The following PPP2R2A variants were observed in gnomAD, a reference collection of about 807,000 sequenced individuals.
PPP2R2A encodes the protein protein phosphatase 2 regulatory subunit Balpha.
PPP2R2A carries 9 observed loss-of-function variants against 53.2 expected under a neutral mutation model. The ratio of observed to expected loss-of-function variants is 0.17; its 90% confidence interval spans 0.10 to 0.30. The LOEUF is 0.30. PPP2R2A is among the 10% of genes least tolerant of loss of function. The pLI is 1.00. For missense variants in PPP2R2A, 235 were observed against 534.6 expected, an observed-to-expected ratio of 0.44 and a Z score of 5.53; for synonymous variants, 169 against 174.2, an observed-to-expected ratio of 0.97 and a Z score of 0.23.
chr8:26,292,385 G>T (rs769888826), intron 1 of PPP2R2A: 3 of 985,658 alleles, frequency 3.0e-6, no homozygotes, highest in Non-Finnish European at 3.6e-6. Context: ...TTTTTGTTTC[G>T]AACCATTTCG....
intron 1 of PPP2R2A, chr8:26,292,483 G>A (rs2117174014): frequency 1.0e-6 from 1 of 969,304 alleles, no homozygotes; most frequent in Non-Finnish European, 1.2e-6. Flanking sequence ...TTTGCGTTTA[G>A]CATGTTAGCT....
At chr8:26,309,053 G>A (rs555510137) in intron 2 of PPP2R2A, among the ~76,000 whole-genome samples, 1 of 152,192 alleles carries the variant, frequency 6.6e-6, no homozygotes, top group South Asian at 2.1e-4. Flanking sequence ...TAGAGTTGGG[G>A]TTTCAATGTG....
At chr8:26,345,152 A>C (rs547576185) in intron 3 of PPP2R2A, among the ~76,000 whole-genome samples, 4 of 152,218 alleles carry the variant, frequency 2.6e-5, no homozygotes, top group Non-Finnish European at 4.4e-5. Context: ...TCAGATTTTC[A>C]GATTAGGTAT....
Position 26,362,775 on chromosome 8 carries a change from A to G in PPP2R2A, c.729A>G (p.Val243=). The G allele has an allele frequency of 1.9e-6, 3 of 1,613,498 alleles. No homozygotes were observed. The highest frequency in any genetic ancestry group is 1.7e-5 in the Admixed American group (1 of 60,034). ...EFHPNSCNTF[V]YSSSKGTIRL... is the part of the protein sequence containing the mutation. ...ATCCAAACAGCTGTAACACATTTGTATACAGCAGCAGTAAAGGAACTATTC... is the reference window on the plus strand; with the variant it reads ...ATCCAAACAGCTGTAACACATTTGTGTACAGCAGCAGTAAAGGAACTATTC... Residue 243 remains valine (V), a synonymous_variant, in exon 7 of 10, where the codon GTA becomes GTG. Coordinates refer to ENST00000380737, the MANE Select transcript of PPP2R2A (RefSeq NM_002717.4). The surrounding 1 kb of genome is among the most constrained non-coding windows in gnomAD (Gnocchi z 4.4).
chr8:26,364,019 A>G lies in PPP2R2A; in HGVS notation c.972+129A>G, dbSNP rs191767486. 3.4e-5 allele frequency: 25 copies of G among 727,374 alleles called. No homozygotes were observed. In the Admixed American group the frequency reaches 5.7e-4, roughly 17 times the overall value. The allele number at this position is 727,374 out of a possible 1,614,324, so 45.1% of individuals were successfully genotyped here. ...CACCATTAGGCCTTTTCCCTCAGAG[A>G]TCTATGAGTATGTTGCTCTTCCTTA... On this transcript the variant is annotated intron_variant, in intron 8 of 9. Coordinates refer to ENST00000380737, the MANE Select transcript of PPP2R2A (RefSeq NM_002717.4).
At chr8:26,314,100 A>G (rs577367305) in intron 2 of PPP2R2A, among the ~76,000 whole-genome samples, 2 of 152,236 alleles carry the variant, frequency 1.3e-5, no homozygotes, top group African/African-American at 4.8e-5. Flanking sequence ...AAAGCCTTCT[A>G]ATGTAATTTT....
chr8:26,357,831 A>G (rs1356732562), intron 4 of PPP2R2A, among the ~76,000 whole-genome samples: 1 of 152,016 alleles, frequency 6.6e-6, no homozygotes, highest in Non-Finnish European at 1.5e-5. Context: ...AATTCAGGGG[A>G]ACACCACAGT....
At chr8:26,344,369 T>C (rs1294640605) in intron 3 of PPP2R2A, among the ~76,000 whole-genome samples, 1 of 152,242 alleles carries the variant, frequency 6.6e-6, no homozygotes, top group Non-Finnish European at 1.5e-5. Flanking sequence ...GTATTCACAA[T>C]GCTGGCTATT....
chr8:26,325,306 T>G (rs1803033490), intron 2 of PPP2R2A, among the ~76,000 whole-genome samples: 1 of 151,972 alleles, frequency 6.6e-6, no homozygotes, highest in Non-Finnish European at 1.5e-5. Context: ...CTCATGAGAT[T>G]TGATGGGTTT....
chr8:26,305,084 C>T (rs1426188749), intron 2 of PPP2R2A, among the ~76,000 whole-genome samples: 1 of 152,102 alleles, frequency 6.6e-6, no homozygotes, highest in Admixed American at 6.6e-5. Context: ...TTCTTCCCCT[C>T]CCCTCAGCTC....
chr8:26,360,289 C>T lies in PPP2R2A; in HGVS notation c.459+8C>T. Reference sequence around the variant, plus strand: ...ACAGTTACTACACTACGAGTAAGTACATAAGAAAAAAATGTCACAGATAGT... The same window carrying T: ...ACAGTTACTACACTACGAGTAAGTATATAAGAAAAAAATGTCACAGATAGT... On this transcript the variant is annotated splice_region_variant and intron_variant, in intron 5 of 9. Coordinates refer to ENST00000380737, the MANE Select transcript of PPP2R2A (RefSeq NM_002717.4). The surrounding 1 kb of genome is among the most constrained non-coding windows in gnomAD (Gnocchi z 4.5). 1 of 1,516,424 alleles carries T rather than the reference C, an allele frequency of 6.6e-7. No homozygotes were observed. Among genetic ancestry groups the T allele is most frequent in the Non-Finnish European group, 9.0e-7 (1 of 1,105,560 alleles). 93.9% of individuals were successfully genotyped at this position (1,516,424 alleles called of 1,614,324 possible). A position where few individuals can be genotyped will look rare whatever the true frequency, so the allele number is the denominator to read the frequency against.
At position 26,360,861 on chromosome 8, in the gene PPP2R2A, TA is replaced by T. The variant is rs1563323643; in HGVS notation, c.460-112del. The T allele has an allele frequency of 9.9e-7, 1 of 1,010,982 alleles. No homozygotes were observed. The highest frequency in any genetic ancestry group is 1.4e-6 in the Non-Finnish European group (1 of 707,514). 62.6% of individuals were successfully genotyped at this position (1,010,982 alleles called of 1,614,324 possible). On this transcript the variant is annotated intron_variant, in intron 5 of 9. Transcript: ENST00000380737. This position sits in a 1 kb window ranked among gnomAD's most constrained non-coding sequence, Gnocchi z 4.5. ...GCTTTTTAAAACTAAATCTATGTAA[TA>T]TTGTTCTATTTTATGTTCTCAAAAA...
chr8:26,323,097 A>G (rs1402565041), intron 2 of PPP2R2A, among the ~76,000 whole-genome samples: 1 of 152,190 alleles, frequency 6.6e-6, no homozygotes, highest in Non-Finnish European at 1.5e-5. Context: ...CTCCAGGCTT[A>G]ATCCTTAGCC....
chr8:26,329,221 T>A (rs1445916386), intron 2 of PPP2R2A, among the ~76,000 whole-genome samples: 2 of 152,200 alleles, frequency 1.3e-5, no homozygotes, highest in Non-Finnish European at 2.9e-5. Context: ...ATAATTTGAT[T>A]TCTTGGAGTT....
At chr8:26,308,663 C>T (rs1427621272) in intron 2 of PPP2R2A, among the ~76,000 whole-genome samples, 1 of 152,186 alleles carries the variant, frequency 6.6e-6, no homozygotes, top group Non-Finnish European at 1.5e-5. Flanking sequence ...GTCTTGAGCC[C>T]CTCGGAGTTA....
intron 9 of PPP2R2A, among the ~76,000 whole-genome samples, chr8:26,369,587 T>G (rs1290023289): frequency 6.6e-6 from 1 of 152,150 alleles, no homozygotes; most frequent in Non-Finnish European, 1.5e-5. Context: ...AGAGACCGGG[T>G]TTCACCATGT....
intron 2 of PPP2R2A, among the ~76,000 whole-genome samples, chr8:26,334,208 A>G (rs917514143): frequency 1.3e-5 from 2 of 152,150 alleles, no homozygotes; most frequent in African/African-American, 4.8e-5. Flanking sequence ...TTCATTGTAA[A>G]ATAACATTGT....
chr8:26,293,221 A>C, intron 1 of PPP2R2A: 1 of 1,535,398 alleles, frequency 6.5e-7, no homozygotes, highest in Non-Finnish European at 8.7e-7. Context: ...GGTTCATATG[A>C]ATCATTACTC....
rs568147392 is a variant in PPP2R2A, at chr8:26,312,823, C to G, written c.82+19083C>G. Among the ~76,000 whole-genome samples the G allele has an allele frequency of 2.1e-3, 318 of 152,192 alleles. 1 individual carries two copies. Among genetic ancestry groups the G allele is most frequent in the Non-Finnish European group, 3.1e-3 (212 of 68,020 alleles). On this transcript the variant is annotated intron_variant, in intron 2 of 9. Coordinates refer to ENST00000380737, the MANE Select transcript of PPP2R2A (RefSeq NM_002717.4). Reference sequence around the variant, plus strand: ...GGCACCTGTTCATCTCAGATCAGGGCCTCCCTTACCAGCTATCTAAGTTTA... The same window carrying G: ...GGCACCTGTTCATCTCAGATCAGGGGCTCCCTTACCAGCTATCTAAGTTTA...
Sources: allele counts gnomAD v4.1 joint callset (sites outside exome capture counted in the v4.1 genomes callset), GRCh38; gene constraint gnomAD v4.1.1; non-coding constraint Gnocchi (gnomAD v3.1); transcripts MANE v1.5; gene names NCBI Gene and HGNC (gene_info 2026-07-23, HGNC 2026-07-21).